DCC: variants seen among roughly 807,000 people sequenced by gnomAD.
The protein encoded by DCC is DCC netrin 1 receptor.
Under a neutral mutation model 172.5 loss-of-function variants are expected in DCC, and 58 were observed. The observed-to-expected ratio is 0.34, with a 90% confidence interval of 0.27 to 0.42. The LOEUF (loss-of-function observed/expected upper bound fraction) is 0.42. Among genes scored for constraint, DCC ranks in the 10% least tolerant of loss-of-function variants. The pLI, the probability that DCC is intolerant of heterozygous loss-of-function variation, is 1.00. For synonymous variants in DCC, 709 were observed against 644.5 expected (o/e 1.10, Z -1.52); for missense variants, 1,740 against 1,791.0 (o/e 0.97, Z 0.51).
chr18:53,459,945 C>A (rs1238150144), intron 24 of DCC, among the ~76,000 whole-genome samples: 2 of 151,168 alleles, frequency 1.3e-5, no homozygotes, highest in East Asian at 1.9e-4. Context: ...GTTACTTTGG[C>A]CTTGATTACT....
intron 7 of DCC, among the ~76,000 whole-genome samples, chr18:53,082,273 A>G (rs1208716526): frequency 3.9e-5 from 6 of 152,148 alleles, no homozygotes; most frequent in African/African-American, 1.4e-4. Context: ...CTCACCTTGC[A>G]AGCATAATAA....
intron 2 of DCC, among the ~76,000 whole-genome samples, chr18:52,837,471 C>T (rs905063670): frequency 1.3e-5 from 2 of 152,194 alleles, no homozygotes; most frequent in African/African-American, 4.8e-5. Flanking sequence ...CTCCACAGAT[C>T]TCTAGGGCAG....
At chr18:52,608,147 G>A (rs2034175384) in intron 1 of DCC, among the ~76,000 whole-genome samples, 1 of 151,908 alleles carries the variant, frequency 6.6e-6, no homozygotes, top group South Asian at 2.1e-4. Flanking sequence ...TTCTGTGTCT[G>A]TGTATCACTT....
chr18:52,467,482 A>C (rs1237325392), intron 1 of DCC, among the ~76,000 whole-genome samples: 1 of 152,126 alleles, frequency 6.6e-6, no homozygotes, highest in Non-Finnish European at 1.5e-5. Flanking sequence ...AGTCTTTGCT[A>C]TTTTGAACAG....
At chr18:52,588,255 A>G (rs2033721967) in intron 1 of DCC, among the ~76,000 whole-genome samples, 1 of 152,166 alleles carries the variant, frequency 6.6e-6, no homozygotes, top group Non-Finnish European at 1.5e-5. Context: ...CAGAATTCCT[A>G]CTACCACTGA....
Position 53,531,532 on chromosome 18 carries a change from G to A in DCC, c.*879G>A, listed in dbSNP as rs1352225144. On this transcript the variant is annotated 3_prime_UTR_variant, in exon 29 of 29. Coordinates refer to ENST00000442544, the MANE Select transcript of DCC (RefSeq NM_005215.4). Reference sequence around the variant, plus strand: ...GCTTCACTAAGGCCATCTTCCTTAGGAGTTTGGCCAGAAGAATGCCCCCAC... The same window carrying A: ...GCTTCACTAAGGCCATCTTCCTTAGAAGTTTGGCCAGAAGAATGCCCCCAC... 1 of 152,578 alleles carries A rather than the reference G, an allele frequency of 6.6e-6. No homozygotes were observed. Among genetic ancestry groups the A allele is most frequent in the African/African-American group, 2.4e-5 (1 of 41,402 alleles). 9.5% of individuals were successfully genotyped at this position (152,578 alleles called of 1,614,324 possible). A position where few individuals can be genotyped will look rare whatever the true frequency, so the allele number is the denominator to read the frequency against.
At position 53,351,525 on chromosome 18, in the gene DCC, T is replaced by C. The variant is rs1161441762; in HGVS notation, c.2359+11618T>C. On this transcript the variant is annotated intron_variant, in intron 15 of 28. Coordinates refer to ENST00000442544, the MANE Select transcript of DCC (RefSeq NM_005215.4). ...TATATATATATATAATTGGAATATA[T>C]GTGTCATTGGAAATCTCCAAATAGA... Among the ~76,000 whole-genome samples, 9 of 135,588 alleles carry C rather than the reference T, an allele frequency of 6.6e-5. 1 individual carries two copies. Among genetic ancestry groups the C allele is most frequent in the Admixed American group, 3.1e-4 (4 of 12,982 alleles). The allele number at this position is 135,588 out of a possible 152,430, so 89.0% of individuals were successfully genotyped here.
chr18:52,642,051 G>T (rs1322167636), intron 1 of DCC, among the ~76,000 whole-genome samples: 1 of 4,928 alleles, frequency 2.0e-4, no homozygotes. Flanking sequence ...TATATACTGT[G>T]GTGTGTGTGT....
intron 19 of DCC, 91 bp downstream of exon 19, chr18:53,402,984 C>T (rs1909413627): frequency 4.5e-6 from 4 of 895,042 alleles, no homozygotes; most frequent in East Asian, 4.9e-5. Flanking sequence ...TTTCGTGTGG[C>T]ATTATTCTGT....
intron 12 of DCC, among the ~76,000 whole-genome samples, chr18:53,294,619 T>TGGAG (rs998206066): frequency 6.6e-6 from 1 of 152,160 alleles, no homozygotes; most frequent in African/African-American, 2.4e-5. Context: ...TTGCATGTCT[T>TGGAG]GGAGGGACCT....
chr18:53,292,700 C>CAA (rs2057020618), intron 12 of DCC, among the ~76,000 whole-genome samples: 1 of 152,018 alleles, frequency 6.6e-6, no homozygotes, highest in African/African-American at 2.4e-5. Flanking sequence ...AAAACAAAAA[C>CAA]AAAAACAAAA....
At chr18:52,947,993 C>T (rs1006218769) in intron 5 of DCC, among the ~76,000 whole-genome samples, 4 of 152,180 alleles carry the variant, frequency 2.6e-5, no homozygotes, top group African/African-American at 9.6e-5. Context: ...AGGCATCTAA[C>T]CATTTAAAAA....
intron 25 of DCC, among the ~76,000 whole-genome samples, chr18:53,471,927 A>G (rs2045701312): frequency 6.6e-6 from 1 of 152,024 alleles, no homozygotes; most frequent in Non-Finnish European, 1.5e-5. Flanking sequence ...CTGTATTTTA[A>G]TATAATCTTT....
At chr18:52,642,029 T>TAC (rs2034906608) in intron 1 of DCC, among the ~76,000 whole-genome samples, 1 of 9,298 alleles carries the variant, frequency 1.1e-4, no homozygotes, top group Non-Finnish European at 9.1e-4. Flanking sequence ...TATATATATA[T>TAC]ATATATATAT....
At chr18:52,991,829 G>C (rs545396251) in intron 5 of DCC, among the ~76,000 whole-genome samples, 1 of 152,258 alleles carries the variant, frequency 6.6e-6, no homozygotes, top group East Asian at 1.9e-4. Flanking sequence ...AGATCTTTAT[G>C]AACATTTATG....
chr18:53,312,893 AGGGG>A (rs2057292372), intron 13 of DCC, among the ~76,000 whole-genome samples: 1 of 71,518 alleles, frequency 1.4e-5, no homozygotes, highest in Non-Finnish European at 2.9e-5. Context: ...AGGGAAAGGG[AGGGG>A]AGAGGAGGGA....
intron 1 of DCC, among the ~76,000 whole-genome samples, chr18:52,644,889 A>G (rs896692997): frequency 2.0e-5 from 3 of 151,724 alleles, no homozygotes; most frequent in Non-Finnish European, 2.9e-5. Flanking sequence ...TGCTTGAGGA[A>G]GTTGCTTGAT....
chr18:53,043,666 A>G (rs767036764), intron 5 of DCC, among the ~76,000 whole-genome samples: 50 of 151,912 alleles, frequency 3.3e-4, no homozygotes, highest in African/African-American at 1.2e-3. Flanking sequence ...TTTGGTTAAC[A>G]TGTTACATTT....
chr18:52,940,635 A>G (rs899092609), intron 5 of DCC, among the ~76,000 whole-genome samples: 2 of 152,234 alleles, frequency 1.3e-5, no homozygotes, highest in Admixed American at 6.5e-5. Flanking sequence ...GGGGAAAATA[A>G]TAGCAGATAA....
Sources: gnomAD v4.1 joint callset for allele counts (sites outside exome capture counted in the v4.1 genomes callset) on GRCh38, gnomAD v4.1.1 for gene constraint, MANE v1.5 for transcripts, NCBI Gene and HGNC (gene_info 2026-07-23, HGNC 2026-07-21) for gene names.